Variants in LGSN observed in about 807,000 individuals in gnomAD.
The protein encoded by LGSN is lengsin.
LGSN carries 21 observed loss-of-function variants against 19.5 expected under a neutral mutation model. That is an observed-to-expected ratio of 1.07 (90% CI 0.76 to 1.55). The LOEUF (loss-of-function observed/expected upper bound fraction) is 1.55. LGSN is among the 40% of genes most tolerant of loss of function. The probability of loss-of-function intolerance (pLI) is 0.00; values close to 1 mark genes in which losing one functional copy is unlikely to be tolerated. For missense variants in LGSN, 673 were observed against 608.5 expected, an observed-to-expected ratio of 1.11 and a Z score of -1.12; for synonymous variants, 257 against 215.6, an observed-to-expected ratio of 1.19 and a Z score of -1.68.
At chr6:63,457,005 A>T in the LGSN span, among the ~76,000 whole-genome samples, 28 of 152,294 alleles carry the variant, frequency 1.8e-4, no homozygotes, top group African/African-American at 4.8e-4. Flanking sequence ...AAACAACCTT[A>T]TTCAAAAGTC....
intron 1 of LGSN, among the ~76,000 whole-genome samples, chr6:63,316,744 A>G (rs1768880598): frequency 6.6e-6 from 1 of 151,976 alleles, no homozygotes; most frequent in South Asian, 2.1e-4. Context: ...AGACATGTAG[A>G]AAAAATTTAA....
the LGSN span, among the ~76,000 whole-genome samples, chr6:63,552,459 A>C: frequency 6.6e-6 from 1 of 152,094 alleles, no homozygotes; most frequent in Non-Finnish European, 1.5e-5. Flanking sequence ...AGTAGGTTGC[A>C]AAAATTTTCT....
At chr6:63,498,688 G>A in the LGSN span, among the ~76,000 whole-genome samples, 28 of 152,190 alleles carry the variant, frequency 1.8e-4, no homozygotes, top group South Asian at 5.8e-3. Context: ...TTTTCATGTG[G>A]TTTCTCCCTG....
intron 1 of LGSN, among the ~76,000 whole-genome samples, chr6:63,308,552 T>C (rs1380749386): frequency 6.6e-6 from 1 of 152,164 alleles, no homozygotes; most frequent in East Asian, 1.9e-4. Context: ...AGGTTCTAAA[T>C]ATCAATGATT....
chr6:63,309,151 G>C (rs1021059590), intron 1 of LGSN, among the ~76,000 whole-genome samples: 1 of 152,186 alleles, frequency 6.6e-6, no homozygotes, highest in African/African-American at 2.4e-5. Context: ...AAGCGCTTCT[G>C]GCCGGGCGCG....
intron 2 of LGSN, among the ~76,000 whole-genome samples, chr6:63,287,520 C>A (rs908650651): frequency 1.3e-5 from 2 of 152,024 alleles, no homozygotes. Flanking sequence ...CCAGCCTGGG[C>A]AACATAGCAA....
At chr6:63,414,943 T>A in the LGSN span, among the ~76,000 whole-genome samples, 1 of 151,716 alleles carries the variant, frequency 6.6e-6, no homozygotes, top group African/African-American at 2.4e-5. Flanking sequence ...ATGAAAACTT[T>A]AAAAATTTAA....
the LGSN span, among the ~76,000 whole-genome samples, chr6:63,468,057 A>G: frequency 6.6e-6 from 1 of 152,220 alleles, no homozygotes. Flanking sequence ...TTAAGAATTC[A>G]ATACATGACT....
chr6:63,489,690 A>G, the LGSN span, among the ~76,000 whole-genome samples: 6 of 151,358 alleles, frequency 4.0e-5, no homozygotes, highest in East Asian at 1.2e-3. Context: ...TTATTCATTT[A>G]TTTATTTACT....
the LGSN span, among the ~76,000 whole-genome samples, chr6:63,559,942 G>A: frequency 0.25 from 38,452 of 151,838 alleles, 5,748 homozygotes; most frequent in Admixed American, 0.34. Flanking sequence ...GTGTTTTTTC[G>A]TGACAACAGC....
At chr6:63,372,349 G>A in the LGSN span, among the ~76,000 whole-genome samples, 1 of 152,148 alleles carries the variant, frequency 6.6e-6, no homozygotes, top group Non-Finnish European at 1.5e-5. Flanking sequence ...GCTGACCTAG[G>A]GCTCTGTACC....
At chr6:63,501,066 T>A in the LGSN span, among the ~76,000 whole-genome samples, 1 of 151,840 alleles carries the variant, frequency 6.6e-6, no homozygotes, top group Non-Finnish European at 1.5e-5. Context: ...TTTGCTTTTT[T>A]AAAAAAGGAA....
At chr6:63,293,776 G>A (rs1027857288) in intron 2 of LGSN, 3 of 456,546 alleles carry the variant, frequency 6.6e-6, no homozygotes, top group African/African-American at 6.0e-5. Context: ...TATGACAGAT[G>A]AGACTCAGCA....
At chr6:63,527,084 G>C in the LGSN span, among the ~76,000 whole-genome samples, 5 of 151,878 alleles carry the variant, frequency 3.3e-5, no homozygotes, top group Admixed American at 3.3e-4. Context: ...TTTTATCTGA[G>C]AGTCCTTATT....
chr6:63,417,586 A>G, the LGSN span, among the ~76,000 whole-genome samples: 1 of 152,206 alleles, frequency 6.6e-6, no homozygotes, highest in African/African-American at 2.4e-5. Context: ...TCTGTCTCCT[A>G]TCTGGACCCT....
At chr6:63,321,990 C>T (rs1272466259), upstream of LGSN, among the ~76,000 whole-genome samples, 2 of 152,074 alleles carry the variant, frequency 1.3e-5, no homozygotes, top group African/African-American at 4.8e-5. Flanking sequence ...TTGAATGGAT[C>T]CAGAGAAGAG....
upstream of LGSN, among the ~76,000 whole-genome samples, chr6:63,324,369 G>A (rs1404103298): frequency 6.6e-6 from 1 of 152,164 alleles, no homozygotes; most frequent in Non-Finnish European, 1.5e-5. Context: ...TGTGCAAAAT[G>A]TGGTTTAGGG....
At chr6:63,482,592 G>A in the LGSN span, among the ~76,000 whole-genome samples, 5 of 152,162 alleles carry the variant, frequency 3.3e-5, no homozygotes, top group Non-Finnish European at 7.3e-5. Flanking sequence ...AGCCAGGCAT[G>A]GTGGTGCACG....
the LGSN span, among the ~76,000 whole-genome samples, chr6:63,545,313 C>T: frequency 2.6e-5 from 4 of 152,054 alleles, no homozygotes; most frequent in Non-Finnish European, 5.9e-5. Flanking sequence ...AATCTCTGGG[C>T]GTGGAAATTT....
Sources: gnomAD v4.1 joint callset for allele counts (sites outside exome capture counted in the v4.1 genomes callset) on GRCh38, gnomAD v4.1.1 for gene constraint, MANE v1.5 for transcripts, NCBI Gene and HGNC (gene_info 2026-07-23, HGNC 2026-07-21) for gene names.